SUCLG2: variants seen among roughly 807,000 people sequenced by gnomAD.
SUCLG2 encodes the protein succinate-CoA ligase GDP-forming subunit beta, also known as succinate--CoA ligase [GDP-forming] subunit beta, mitochondrial.
Under a neutral mutation model 47.9 loss-of-function variants are expected in SUCLG2, and 42 were observed. That is an observed-to-expected ratio of 0.88 (90% CI 0.69 to 1.14). The LOEUF (loss-of-function observed/expected upper bound fraction) is 1.14, where lower values mean the gene tolerates loss of function less well. Among genes scored for constraint, SUCLG2 ranks in the 50% most tolerant of loss-of-function variants. The pLI is 0.00. For synonymous variants in SUCLG2, 195 were observed against 197.3 expected (o/e 0.99, Z 0.10); for missense variants, 571 against 525.9 (o/e 1.09, Z -0.84).
intron 2 of SUCLG2, among the ~76,000 whole-genome samples, chr3:67,598,300 C>T (rs1419626864): frequency 6.6e-6 from 1 of 152,092 alleles, no homozygotes; most frequent in African/African-American, 2.4e-5. Context: ...CACTGTCTTT[C>T]CTACAAAACA....
intron 6 of SUCLG2, among the ~76,000 whole-genome samples, chr3:67,515,032 G>A (rs939849612): frequency 6.6e-6 from 1 of 152,030 alleles, no homozygotes; most frequent in Non-Finnish European, 1.5e-5. Flanking sequence ...ATGCTACATC[G>A]CAATGCTCAC....
At chr3:67,647,869 T>C (rs1701218795) in intron 1 of SUCLG2, among the ~76,000 whole-genome samples, 2 of 152,198 alleles carry the variant, frequency 1.3e-5, no homozygotes, top group Non-Finnish European at 2.9e-5. Context: ...TTCACATGGC[T>C]ACTGCAAGGA....
intron 10 of SUCLG2, 172 bp from the exon 11 acceptor site, chr3:67,376,031 C>A (rs1559636545): frequency 1.0e-6 from 1 of 985,328 alleles, no homozygotes. Flanking sequence ...AAATTTATCT[C>A]AAGCTGTGGT....
chr3:67,583,824 T>C (rs914801959), intron 2 of SUCLG2, among the ~76,000 whole-genome samples: 4 of 152,228 alleles, frequency 2.6e-5, no homozygotes, highest in Non-Finnish European at 4.4e-5. Flanking sequence ...ATTTCTGCTA[T>C]ACCTCTCTAA....
At chr3:67,438,396 G>T (rs193092965) in intron 9 of SUCLG2, among the ~76,000 whole-genome samples, 155 of 151,704 alleles carry the variant, frequency 1.0e-3, no homozygotes, top group African/African-American at 3.5e-3. Flanking sequence ...AGAACTGAAG[G>T]AGATAAAGAC....
intron 2 of SUCLG2, among the ~76,000 whole-genome samples, chr3:67,554,825 TG>T (rs1414124278): frequency 6.6e-6 from 1 of 152,100 alleles, no homozygotes; most frequent in African/African-American, 2.4e-5. Context: ...CAAGGGAGGT[TG>T]GGAAATAATT....
rs368055232 is a variant in SUCLG2 at position 67,452,271 on chromosome 3, A to G, written c.1062+43527T>C. On this transcript the variant is annotated intron_variant, in intron 9 of 10. Transcript: ENST00000307227. ...TATTAACTTGGGGAATGAATAAAAC[A>G]TACATTAATAAAAAGCATAAGTTAT... is the stretch of plus-strand genomic sequence containing the variant. 1.6e-4 allele frequency among the ~76,000 whole-genome samples: 25 copies of G among 152,370 alleles called. No individual in the cohort carries two copies. In the Middle Eastern group the frequency reaches 0.01, roughly 62 times the overall value.
At chr3:67,647,790 CG>C (rs1157483958) in intron 1 of SUCLG2, among the ~76,000 whole-genome samples, 2 of 152,092 alleles carry the variant, frequency 1.3e-5, no homozygotes, top group African/African-American at 4.8e-5. Flanking sequence ...AATCAGAGCC[CG>C]GGAGGCAGAT....
chr3:67,632,969 T>C (rs754786419), intron 1 of SUCLG2, among the ~76,000 whole-genome samples: 1 of 152,228 alleles, frequency 6.6e-6, no homozygotes, highest in Non-Finnish European at 1.5e-5. Context: ...AAGAACTCAT[T>C]TGATCTTTCA....
chr3:67,452,924 A>G (rs1270518073), intron 9 of SUCLG2, among the ~76,000 whole-genome samples: 1 of 152,216 alleles, frequency 6.6e-6, no homozygotes, highest in Non-Finnish European at 1.5e-5. Context: ...GAAACTGCAT[A>G]ATCTCGCACG....
chr3:67,510,586 T>A (rs1705759984), intron 6 of SUCLG2, among the ~76,000 whole-genome samples: 1 of 152,186 alleles, frequency 6.6e-6, no homozygotes. Flanking sequence ...AGCAAACTTG[T>A]TCCAATACCT....
chr3:67,587,705 A>G (rs551358362), intron 2 of SUCLG2, among the ~76,000 whole-genome samples: 21 of 152,336 alleles, frequency 1.4e-4, no homozygotes, highest in African/African-American at 5.1e-4. Flanking sequence ...TTAATTGTAC[A>G]GTTAATATTT....
chr3:67,510,299 A>G (rs1442875566), intron 6 of SUCLG2, among the ~76,000 whole-genome samples: 1 of 152,232 alleles, frequency 6.6e-6, no homozygotes, highest in African/African-American at 2.4e-5. Context: ...GTATTTTATA[A>G]ACACCTACAA....
chr3:67,610,356 A>C (rs1700505881), intron 1 of SUCLG2, among the ~76,000 whole-genome samples: 1 of 152,218 alleles, frequency 6.6e-6, no homozygotes, highest in Admixed American at 6.5e-5. Flanking sequence ...TTTCAAGTAG[A>C]AGTGGTTTTC....
In SUCLG2 at chr3:67,547,023, A is replaced by C. The variant is rs11718190; in HGVS notation, c.227-17837T>G. 7.3e-3 allele frequency among the ~76,000 whole-genome samples: 1,107 copies of C among 152,278 alleles called. 5 individuals are homozygous for C. The highest frequency in any genetic ancestry group is 0.024 in the Middle Eastern group (7 of 294). On this transcript the variant is annotated intron_variant, in intron 2 of 10. Transcript: ENST00000307227. Reference sequence around the variant, plus strand: ...TGGCTAATGTTTTTTCTATACCCCCACATTCTCTGCTATGGTCTGAATGTT... The same window carrying C: ...TGGCTAATGTTTTTTCTATACCCCCCCATTCTCTGCTATGGTCTGAATGTT...
chr3:67,396,020 C>T (rs1406576906), intron 10 of SUCLG2, among the ~76,000 whole-genome samples: 5 of 152,054 alleles, frequency 3.3e-5, no homozygotes, highest in Admixed American at 1.3e-4. Flanking sequence ...ACATTCAAAG[C>T]AGTGTGTAGA....
rs772557884 is a variant in SUCLG2, at chr3:67,643,321, A to T, written c.84+11182T>A. Among the ~76,000 whole-genome samples, 68 of 152,124 alleles carry T rather than the reference A, an allele frequency of 4.5e-4. 1 individual carries two copies. The highest frequency in any genetic ancestry group is 2.0e-4 in the Admixed American group (3 of 15,286). ...AATCATTATCTTACTTGTTTTTATTAATCTTTTTGAAATGTAAGTAGAGCT... is the reference window on the plus strand; with the variant it reads ...AATCATTATCTTACTTGTTTTTATTTATCTTTTTGAAATGTAAGTAGAGCT... On this transcript the variant is annotated intron_variant, in intron 1 of 10. Transcript: ENST00000307227.
At chr3:67,435,784 A>G (rs1703604830) in intron 9 of SUCLG2, among the ~76,000 whole-genome samples, 1 of 152,228 alleles carries the variant, frequency 6.6e-6, no homozygotes, top group Non-Finnish European at 1.5e-5. Flanking sequence ...TCACTCAATT[A>G]TGACTGTTTT....
At chr3:67,525,238 C>G (rs1706221649) in intron 4 of SUCLG2, among the ~76,000 whole-genome samples, 1 of 152,072 alleles carries the variant, frequency 6.6e-6, no homozygotes, top group South Asian at 2.1e-4. Context: ...AGATTCCTAT[C>G]AAAATCTTAG....
Sources: allele counts gnomAD v4.1 joint callset (sites outside exome capture counted in the v4.1 genomes callset), GRCh38; gene constraint gnomAD v4.1.1; transcripts MANE v1.5; gene names NCBI Gene and HGNC (gene_info 2026-07-23, HGNC 2026-07-21).